The following TBCK variants were observed in gnomAD, a reference collection of about 807,000 sequenced individuals.
TBCK encodes TBC1 domain containing kinase, also known as TBC domain-containing protein kinase-like protein.
TBCK carries 99 observed loss-of-function variants against 113.4 expected under a neutral mutation model. The ratio of observed to expected loss-of-function variants is 0.87; its 90% confidence interval spans 0.74 to 1.03. TBCK has a LOEUF of 1.03. Ranked by LOEUF, TBCK falls within the 50% of genes least tolerant of loss-of-function variation. The pLI is 0.00. For synonymous variants in TBCK, 369 were observed against 370.8 expected, an observed-to-expected ratio of 1.00 and a Z score of 0.05; for missense variants, 1,045 against 1,061.3, an observed-to-expected ratio of 0.98 and a Z score of 0.21.
At chr4:106,196,159 G>C (rs908007155) in intron 20 of TBCK, among the ~76,000 whole-genome samples, 1 of 151,448 alleles carries the variant, frequency 6.6e-6, no homozygotes, top group African/African-American at 2.4e-5. Context: ...TTACTACCTA[G>C]AAATATATAC....
chr4:106,097,034 G>A (rs889893276), intron 24 of TBCK, among the ~76,000 whole-genome samples: 4 of 151,954 alleles, frequency 2.6e-5, no homozygotes, highest in South Asian at 2.1e-4. Context: ...TGATTTTGTA[G>A]GCTCGATATC....
intron 25 of TBCK, among the ~76,000 whole-genome samples, chr4:106,051,614 A>AC (rs869138428): frequency 1.4e-5 from 2 of 140,060 alleles, no homozygotes; most frequent in Non-Finnish European, 3.2e-5. Flanking sequence ...GGAATGCTTA[A>AC]TATGACACAT....
At chr4:106,126,510 T>A (rs1180786336) in intron 23 of TBCK, among the ~76,000 whole-genome samples, 4 of 152,202 alleles carry the variant, frequency 2.6e-5, no homozygotes, top group Admixed American at 2.6e-4. Context: ...TTATAGTAAT[T>A]ACTATTTGTG....
chr4:106,159,669 T>C (rs553220728), intron 23 of TBCK, among the ~76,000 whole-genome samples: 56 of 152,158 alleles, frequency 3.7e-4, no homozygotes, highest in Non-Finnish European at 7.2e-4. Flanking sequence ...GTTTATGGAT[T>C]GAAAGATATA....
chr4:106,062,417 A>C (rs1295904024), intron 25 of TBCK, among the ~76,000 whole-genome samples: 1 of 151,886 alleles, frequency 6.6e-6, no homozygotes, highest in African/African-American at 2.4e-5. Flanking sequence ...TGGGAACTGA[A>C]TTTCAGCAAC....
intron 25 of TBCK, among the ~76,000 whole-genome samples, chr4:106,072,992 T>C (rs1393438205): frequency 6.6e-6 from 1 of 152,216 alleles, no homozygotes; most frequent in East Asian, 1.9e-4. Flanking sequence ...TAGTTAGCCA[T>C]TCGTCTAATC....
intron 22 of TBCK, among the ~76,000 whole-genome samples, chr4:106,173,858 T>G (rs1343868043): frequency 1.3e-5 from 2 of 152,088 alleles, no homozygotes; most frequent in African/African-American, 4.8e-5. Flanking sequence ...GCACTACTGT[T>G]TTTTAACCTT....
At chr4:106,277,113 T>C (rs1764114010) in intron 3 of TBCK, among the ~76,000 whole-genome samples, 2 of 152,114 alleles carry the variant, frequency 1.3e-5, no homozygotes, top group Non-Finnish European at 2.9e-5. Flanking sequence ...TTGAATATCA[T>C]GGGAATGCAA....
At chr4:106,217,949 C>T (rs1170129833) in intron 19 of TBCK, among the ~76,000 whole-genome samples, 430 of 143,228 alleles carry the variant, frequency 3.0e-3, no homozygotes, top group African/African-American at 0.01. Context: ...GGAGGCATCA[C>T]GCTACCTGAC....
intron 19 of TBCK, among the ~76,000 whole-genome samples, chr4:106,226,742 T>A (rs1758291331): frequency 6.6e-6 from 1 of 152,170 alleles, no homozygotes; most frequent in South Asian, 2.1e-4. Context: ...GTTTCTGAAA[T>A]CTTGTGATAT....
At chr4:106,081,252 T>C (rs1407944566) in intron 25 of TBCK, among the ~76,000 whole-genome samples, 1 of 152,174 alleles carries the variant, frequency 6.6e-6, no homozygotes, top group African/African-American at 2.4e-5. Context: ...TGCAGCACTA[T>C]TCACAATAGC....
chr4:106,096,826 C>T (rs1740973971), intron 24 of TBCK, among the ~76,000 whole-genome samples: 1 of 152,154 alleles, frequency 6.6e-6, no homozygotes. Context: ...CCTTTAAGTG[C>T]CTCTTCCATA....
intron 25 of TBCK, among the ~76,000 whole-genome samples, chr4:106,068,361 C>G (rs975129855): frequency 2.0e-5 from 3 of 151,930 alleles, no homozygotes; most frequent in African/African-American, 7.3e-5. Flanking sequence ...TCCAAGTGTT[C>G]TCATTGTTCA....
chr4:106,303,720 C>T (rs111243017), intron 2 of TBCK, among the ~76,000 whole-genome samples: 1 of 152,086 alleles, frequency 6.6e-6, no homozygotes, highest in Non-Finnish European at 1.5e-5. Flanking sequence ...TAACAAAAAC[C>T]AGCCCTTTCA....
At chr4:106,192,449 A>G (rs72891629) in intron 22 of TBCK, among the ~76,000 whole-genome samples, 6,874 of 152,228 alleles carry the variant, frequency 0.045, 521 homozygotes, top group African/African-American at 0.15. Context: ...TCAAAACAAA[A>G]AAATAGATAA....
chr4:106,069,095 G>C (rs1013091941), intron 25 of TBCK, among the ~76,000 whole-genome samples: 1 of 152,148 alleles, frequency 6.6e-6, no homozygotes, highest in African/African-American at 2.4e-5. Flanking sequence ...TCTATAGGTT[G>C]CCTGTTCACT....
intron 3 of TBCK, among the ~76,000 whole-genome samples, chr4:106,283,452 G>C (rs1046732517): frequency 6.6e-6 from 1 of 152,094 alleles, no homozygotes; most frequent in Non-Finnish European, 1.5e-5. Context: ...GAGAAGAAGA[G>C]TACGAAGGGA....
intron 3 of TBCK, among the ~76,000 whole-genome samples, chr4:106,283,064 A>T (rs911877147): frequency 2.0e-5 from 3 of 152,156 alleles, no homozygotes; most frequent in Admixed American, 2.0e-4. Flanking sequence ...TATCATAAAG[A>T]AATTCATATT....
chr4:106,117,926 G>A (rs1307009511), intron 23 of TBCK, among the ~76,000 whole-genome samples: 3 of 151,506 alleles, frequency 2.0e-5, no homozygotes, highest in South Asian at 2.1e-4. Flanking sequence ...GGAGAATGGC[G>A]TGAACCCGGG....
Sources: allele counts gnomAD v4.1 joint callset (sites outside exome capture counted in the v4.1 genomes callset), GRCh38; gene constraint gnomAD v4.1.1; transcripts MANE v1.5; gene names NCBI Gene and HGNC (gene_info 2026-07-23, HGNC 2026-07-21).